Variants in MYH7B observed in about 807,000 individuals in gnomAD.
The protein encoded by MYH7B is myosin heavy chain 7B, also known as myosin-7B.
MYH7B carries 205 observed loss-of-function variants against 234.5 expected under a neutral mutation model. The ratio of observed to expected loss-of-function variants is 0.87; its 90% CI spans 0.78 to 0.98. The LOEUF is 0.98. Ranked by LOEUF, MYH7B falls within the 50% of genes least tolerant of loss-of-function variation. The pLI is 0.00. For missense variants in MYH7B, 2,652 were observed against 2,633.4 expected (o/e 1.01, Z -0.15); for synonymous variants, 1,193 against 1,105.0 (o/e 1.08, Z -1.58).
chr20:34,978,021 G>A (rs776320134), exon 5 of MYH7B: 1 of 1,614,138 alleles, frequency 6.2e-7, no homozygotes, highest in Non-Finnish European at 8.5e-7. Flanking sequence ...GGATGTGAGT[G>A]AACTTGGGGA....
chr20:34,970,018 G>A (rs188725315), intron 2 of MYH7B, among the ~76,000 whole-genome samples: 92 of 152,238 alleles, frequency 6.0e-4, no homozygotes, highest in African/African-American at 2.1e-3. Context: ...CCATTAAGAG[G>A]TTTAGTCATT....
chr20:34,987,470 C>G, intron 16 of MYH7B, 87 bp from the exon 17 acceptor site: 1 of 1,427,046 alleles, frequency 7.0e-7, no homozygotes. Flanking sequence ...CTCTTAACTT[C>G]CCTCTCCTAG....
intron 24 of MYH7B, 85 bp downstream of exon 24, chr20:34,991,206 G>T (rs778250207): frequency 9.5e-6 from 9 of 948,172 alleles, no homozygotes; most frequent in Non-Finnish European, 1.4e-5. Flanking sequence ...CCCAACAGAC[G>T]GTCCCCTGTC....
At chr20:34,977,186 G>A (rs910921325) in intron 3 of MYH7B, among the ~76,000 whole-genome samples, 6 of 151,042 alleles carry the variant, frequency 4.0e-5, no homozygotes, top group Admixed American at 1.3e-4. Context: ...GCCATTGCTC[G>A]TCTGTGAGAC....
chr20:34,996,998 GA>G, intron 30 of MYH7B, 84 bp from the exon 31 acceptor site: 1 of 1,415,518 alleles, frequency 7.1e-7, no homozygotes, highest in Non-Finnish European at 9.4e-7. Context: ...CTCAGGGCCT[GA>G]AGGGGACTGG....
At chr20:34,999,750 T>TCCCCCCC in intron 37 of MYH7B, 41 bp from the exon 38 acceptor site, 1 of 1,320,534 alleles carries the variant, frequency 7.6e-7, no homozygotes. Context: ...CCACTGGCCA[T>TCCCCCCC]CCCCCCCCCC....
chr20:34,996,632 A>C (rs200758652), exon 30 of MYH7B: 8 of 1,612,436 alleles, frequency 5.0e-6, no homozygotes. Flanking sequence ...TCCCTGGAGC[A>C]GGAGAAGAAG....
chr20:34,971,068 G>A (rs1255728628), intron 2 of MYH7B, among the ~76,000 whole-genome samples: 1 of 152,144 alleles, frequency 6.6e-6, no homozygotes, highest in Non-Finnish European at 1.5e-5. Flanking sequence ...AATCACTCTT[G>A]GGGGCAGCCA....
At chr20:34,990,282 C>T (rs754220790) in exon 22 of MYH7B, 8 of 1,614,040 alleles carry the variant, frequency 5.0e-6, no homozygotes, top group African/African-American at 1.3e-5. Flanking sequence ...AAGGCAGCAT[C>T]GTTCCAGACG....
Position 34,990,232 on chromosome 20 carries a change from A to G in MYH7B, c.1901-2A>G, listed in dbSNP as rs1287407562. ...AGTGACCAGGCCCCTTGTCTCTATT[A>G]GCTGAGCCCCCCAAGTCTGGGGTGA... On this transcript the variant is annotated splice_acceptor_variant, in intron 21 of 44. Coordinates refer to ENST00000262873, the Ensembl canonical transcript of MYH7B. LOFTEE classifies it high-confidence loss of function. The G allele has an allele frequency of 1.9e-6, 3 of 1,614,016 alleles. No individual in the cohort carries two copies. The highest frequency in any genetic ancestry group is 2.5e-6 in the Non-Finnish European group (3 of 1,180,044).
chr20:34,992,561 G>GTTTTTTT (rs71196773), intron 24 of MYH7B, among the ~76,000 whole-genome samples: 1 of 118,326 alleles, frequency 8.5e-6, no homozygotes, highest in Non-Finnish European at 1.7e-5. Flanking sequence ...CCAAGGTTGT[G>GTTTTTTT]TTTTTTTTTT....
At chr20:34,965,192 C>T (rs1474808019) in intron 2 of MYH7B, among the ~76,000 whole-genome samples, 3 of 152,174 alleles carry the variant, frequency 2.0e-5, no homozygotes, top group Non-Finnish European at 2.9e-5. Context: ...GCACCTGGCT[C>T]ATTCCTGTTT....
At chr20:34,967,468 G>T (rs1364302661) in intron 2 of MYH7B, among the ~76,000 whole-genome samples, 1 of 152,016 alleles carries the variant, frequency 6.6e-6, no homozygotes, top group Non-Finnish European at 1.5e-5. Context: ...CTCTGGGTAG[G>T]TTTCCCAGCT....
At chr20:34,995,381 A>G (rs1166199817) in exon 28 of MYH7B, 3 of 1,613,884 alleles carry the variant, frequency 1.9e-6, no homozygotes, top group African/African-American at 2.7e-5. Flanking sequence ...CCACTTGCTG[A>G]TCAAGTCCAA....
rs1296561170 is a variant in MYH7B at position 34,975,591 on chromosome 20, G to T, written c.-122+92G>T. On this transcript the variant is annotated intron_variant, in intron 3 of 44. Transcript: ENST00000262873. ...TGCAGCCTTGACTGTAATGGCAAAA[G>T]ACTGAAAACAATCGAAATGTCTACC... 6 of 667,736 alleles carry T rather than the reference G, an allele frequency of 9.0e-6. No individual in the cohort carries two copies. The African/African-American group carries it at 1.1e-4, about 12-fold the overall frequency. The allele number at this position is 667,736 out of a possible 1,614,324, so 41.4% of individuals were successfully genotyped here.
intron 3 of MYH7B, 70 bp from the exon 4 acceptor site, chr20:34,977,562 T>A (rs2081873428): frequency 4.7e-6 from 7 of 1,478,832 alleles, no homozygotes; most frequent in Non-Finnish European, 6.5e-6. Context: ...TTTTGTGTCC[T>A]GTGGCCAGGC....
At chr20:34,977,013 G>T (rs1249150464) in intron 3 of MYH7B, among the ~76,000 whole-genome samples, 1 of 151,942 alleles carries the variant, frequency 6.6e-6, no homozygotes, top group Non-Finnish European at 1.5e-5. Flanking sequence ...AGGTGTTTGC[G>T]CTTTGCAGAT....
At chr20:34,986,811 C>A in intron 14 of MYH7B, 75 bp from the exon 15 acceptor site, 1 of 1,271,272 alleles carries the variant, frequency 7.9e-7, no homozygotes. Context: ...GCAGGACCCC[C>A]TATGCTGCAA....
At chr20:34,970,252 G>C (rs1430080698) in intron 2 of MYH7B, among the ~76,000 whole-genome samples, 1 of 152,202 alleles carries the variant, frequency 6.6e-6, no homozygotes, top group Non-Finnish European at 1.5e-5. Context: ...GTGTAAGGGA[G>C]ACCAGGCCTC....
Sources: gnomAD v4.1 joint callset for allele counts (sites outside exome capture counted in the v4.1 genomes callset) on GRCh38, gnomAD v4.1.1 for gene constraint, MANE v1.5 for transcripts, NCBI Gene and HGNC (gene_info 2026-07-23, HGNC 2026-07-21) for gene names.